MAN2A1: variants seen among roughly 807,000 people sequenced by gnomAD.
MAN2A1 encodes mannosidase alpha class 2A member 1, also known as alpha-mannosidase 2.
Under a neutral mutation model 142.6 loss-of-function variants are expected in MAN2A1, and 76 were observed. The observed-to-expected ratio is 0.53, with a 90% CI of 0.44 to 0.65. MAN2A1 has a LOEUF of 0.65. MAN2A1 is among the 30% of genes least tolerant of loss of function. The pLI is 0.00. For synonymous variants in MAN2A1, 559 were observed against 473.2 expected (o/e 1.18, Z -2.35); for missense variants, 1,311 against 1,365.1 (o/e 0.96, Z 0.62).
chr5:109,810,856 C>G (rs1315015425), intron 12 of MAN2A1, among the ~76,000 whole-genome samples: 4 of 152,154 alleles, frequency 2.6e-5, no homozygotes, highest in African/African-American at 4.8e-5. Flanking sequence ...TTGTTGACAG[C>G]TACTCCATTT....
chr5:109,836,856 G>A (rs1368358), intron 16 of MAN2A1, among the ~76,000 whole-genome samples: 108,285 of 151,856 alleles, frequency 0.71, 39,867 homozygotes, highest in East Asian at 0.94. Flanking sequence ...GCAAGCATAC[G>A]TGCACCACAC....
intron 20 of MAN2A1, among the ~76,000 whole-genome samples, chr5:109,856,524 T>G (rs960427617): frequency 6.6e-6 from 1 of 152,198 alleles, no homozygotes. Context: ...TAAAGGGGCC[T>G]GTCTTTAGAC....
chr5:109,812,272 G>T (rs950896498), intron 12 of MAN2A1, among the ~76,000 whole-genome samples: 18 of 152,004 alleles, frequency 1.2e-4, no homozygotes, highest in Non-Finnish European at 1.3e-4. Flanking sequence ...ACATGGTGGG[G>T]ATTTGAGTTT....
intron 3 of MAN2A1, among the ~76,000 whole-genome samples, chr5:109,728,720 A>G (rs76386037): frequency 0.019 from 2,828 of 152,314 alleles, 34 homozygotes; most frequent in Middle Eastern, 0.071. Context: ...TTGTTTGATT[A>G]GTGTTACTTT....
intron 5 of MAN2A1, among the ~76,000 whole-genome samples, chr5:109,766,449 A>G (rs1426593873): frequency 6.6e-6 from 1 of 152,102 alleles, no homozygotes; most frequent in Non-Finnish European, 1.5e-5. Flanking sequence ...TTTTGACTGT[A>G]TACTCTTGGT....
At chr5:109,855,084 A>C in intron 19 of MAN2A1, 56 bp from the exon 20 acceptor site, 1 of 882,808 alleles carries the variant, frequency 1.1e-6, no homozygotes, top group Non-Finnish European at 1.6e-6. Context: ...AATTCTGTTA[A>C]TATGATGAGA....
chr5:109,810,009 T>C lies in MAN2A1; in HGVS notation c.1944-7264T>C, dbSNP rs144986000. Among the ~76,000 whole-genome samples, 220 of 152,284 alleles carry C rather than the reference T, an allele frequency of 1.4e-3. 1 individual carries two copies. Among genetic ancestry groups the C allele is most frequent in the Non-Finnish European group, 2.4e-3 (163 of 68,016 alleles). ...ATTCTGCTATTGTTAAAGATATCTTTGGAGTTTTTAACTGTAAATATTTAT... is the reference window on the plus strand; with the variant it reads ...ATTCTGCTATTGTTAAAGATATCTTCGGAGTTTTTAACTGTAAATATTTAT... On this transcript the variant is annotated intron_variant, in intron 12 of 21. Transcript: ENST00000261483.
chr5:109,731,846 G>C (rs1392687715), intron 4 of MAN2A1, among the ~76,000 whole-genome samples: 2 of 148,802 alleles, frequency 1.3e-5, no homozygotes, highest in East Asian at 2.0e-4. Context: ...CTTTATAGCA[G>C]CATGATTTAT....
At chr5:109,774,756 T>A in intron 7 of MAN2A1, 32 bp from the exon 8 acceptor site, 1 of 1,546,710 alleles carries the variant, frequency 6.5e-7, no homozygotes. Context: ...AAATTCATAT[T>A]TGCTGTTTTT....
At chr5:109,856,696 A>G (rs1755612464) in intron 20 of MAN2A1, among the ~76,000 whole-genome samples, 1 of 152,200 alleles carries the variant, frequency 6.6e-6, no homozygotes, top group East Asian at 1.9e-4. Flanking sequence ...GGTTTCCTTC[A>G]GAGATAAGGA....
At chr5:109,796,064 C>T (rs140107140) in intron 12 of MAN2A1, among the ~76,000 whole-genome samples, 87 of 152,158 alleles carry the variant, frequency 5.7e-4, no homozygotes, top group African/African-American at 1.8e-3. Flanking sequence ...CATTTTATTA[C>T]GCTGTTGAAT....
intron 1 of MAN2A1, among the ~76,000 whole-genome samples, chr5:109,704,449 C>T (rs1751074225): frequency 6.6e-6 from 1 of 152,156 alleles, no homozygotes; most frequent in African/African-American, 2.4e-5. Flanking sequence ...ATGTTAGGCT[C>T]TGAGTCTGGA....
chr5:109,794,258 G>A (rs1031711677), intron 12 of MAN2A1: 1 of 152,172 alleles, frequency 6.6e-6, no homozygotes, highest in Non-Finnish European at 1.5e-5. Context: ...TGAAAGAGCT[G>A]TTAGTGTACA....
At chr5:109,866,511 A>C (rs1355250463) in intron 21 of MAN2A1, among the ~76,000 whole-genome samples, 2 of 152,126 alleles carry the variant, frequency 1.3e-5, no homozygotes, top group Non-Finnish European at 2.9e-5. Flanking sequence ...TTATTGAAAA[A>C]GCCCCTGTGC....
At chr5:109,832,974 A>G (rs1754960275) in intron 16 of MAN2A1, among the ~76,000 whole-genome samples, 1 of 141,554 alleles carries the variant, frequency 7.1e-6, no homozygotes, top group Non-Finnish European at 1.5e-5. Flanking sequence ...GGGCACAGAC[A>G]CTCCTCAGTT....
chr5:109,865,160 G>A lies in MAN2A1; in HGVS notation c.3282+14G>A, dbSNP rs1360469938. 11 of 1,582,996 alleles carry A rather than the reference G, an allele frequency of 6.9e-6. No individual in the cohort carries two copies. Among genetic ancestry groups the A allele is most frequent in the Non-Finnish European group, 8.7e-6 (10 of 1,151,870 alleles). On this transcript the variant is annotated intron_variant, in intron 21 of 21. Transcript: ENST00000261483. ...ACTCAGGGAAAGGTAAGTTGAAAAG[G>A]TTATTTTTGCTTACTGTTAGTGTGC... is the stretch of plus-strand genomic sequence containing the variant.
At chr5:109,705,607 G>C (rs2284988) in intron 1 of MAN2A1, among the ~76,000 whole-genome samples, 57,036 of 152,138 alleles carry the variant, frequency 0.37, 11,516 homozygotes, top group African/African-American at 0.53. Flanking sequence ...CCAACTATTT[G>C]CTAAGTATAT....
rs1000216334 is a variant in MAN2A1 at position 109,714,742 on chromosome 5, G to C, written c.390+968G>C. Among the ~76,000 whole-genome samples, 112 of 152,188 alleles carry C rather than the reference G, an allele frequency of 7.4e-4. 7 individuals carry two copies. The highest frequency in any genetic ancestry group is 2.4e-5 in the African/African-American group (1 of 41,444). On this transcript the variant is annotated intron_variant, in intron 2 of 21. Coordinates refer to ENST00000261483, the MANE Select transcript of MAN2A1 (RefSeq NM_002372.4). ...TTCGAATATGTACTTTCCACTAACT[G>C]CTGAGGGCAGAGAACATGATATGAT...
At chr5:109,839,429 G>A (rs908311834) in intron 16 of MAN2A1, among the ~76,000 whole-genome samples, 1 of 151,670 alleles carries the variant, frequency 6.6e-6, no homozygotes. Flanking sequence ...ATCTATCTTT[G>A]CAGGTCCTTG....
Sources: gnomAD v4.1 joint callset for allele counts (sites outside exome capture counted in the v4.1 genomes callset) on GRCh38, gnomAD v4.1.1 for gene constraint, MANE v1.5 for transcripts, NCBI Gene and HGNC (gene_info 2026-07-23, HGNC 2026-07-21) for gene names.